ST8SIA5: variants seen among roughly 807,000 people sequenced by gnomAD.
ST8SIA5 encodes alpha-2,8-sialyltransferase 8E.
In ST8SIA5, 24 loss-of-function variants were observed where a neutral mutation model predicts 40.2. The ratio of observed to expected loss-of-function variants is 0.60; its 90% CI spans 0.43 to 0.84. The LOEUF is 0.84. ST8SIA5 is among the 40% of genes least tolerant of loss of function. The probability of loss-of-function intolerance (pLI) is 0.00; values close to 1 mark genes in which losing one functional copy is unlikely to be tolerated. For synonymous variants in ST8SIA5, 198 were observed against 201.8 expected, an observed-to-expected ratio of 0.98 and a Z score of 0.16; for missense variants, 465 against 498.5, an observed-to-expected ratio of 0.93 and a Z score of 0.64.
At position 46,680,389 on chromosome 18, in the gene ST8SIA5, T is replaced by G. The variant is rs201640419; in HGVS notation, c.784A>C (p.Lys262Gln). Reference protein sequence around the residue: ...TRNTDVSIRVKYVLDDFESPQ... With the variant: ...TRNTDVSIRVQYVLDDFESPQ... ...GATTCGAAGTCGTCCAGCACGTACT[T>G]GACGCGGATGGACACGTCGGTGTTG... Residue 262 changes from lysine to glutamine, a missense_variant, in exon 7 of 7, where the codon AAG (lysine) becomes CAG (glutamine). Lys to Gln is a moderately conservative substitution (Grantham distance 53). Transcript: ENST00000315087. The G allele has an allele frequency of 1.3e-4, 216 of 1,613,976 alleles. 1 individual carries two copies. Among genetic ancestry groups the G allele is most frequent in the Middle Eastern group, 1.2e-3 (7 of 6,062 alleles).
At chr18:46,730,027 G>T (rs746761397) in intron 1 of ST8SIA5, among the ~76,000 whole-genome samples, 4 of 152,204 alleles carry the variant, frequency 2.6e-5, no homozygotes, top group Non-Finnish European at 5.9e-5. Context: ...CCTTTGGCAG[G>T]ATTTCAGGCA....
At chr18:46,715,906 T>C (rs1457934179) in intron 1 of ST8SIA5, among the ~76,000 whole-genome samples, 1 of 152,014 alleles carries the variant, frequency 6.6e-6, no homozygotes, top group Non-Finnish European at 1.5e-5. Flanking sequence ...TCTACTTAAA[T>C]CAATATGGCC....
rs2039302240 is a variant in ST8SIA5, at chr18:46,670,407, G to C, written c.*9635C>G. 1.3e-5 allele frequency: 2 copies of C among 152,092 alleles called. No homozygotes were observed. Among genetic ancestry groups the C allele is most frequent in the Admixed American group, 1.3e-4 (2 of 15,260 alleles). The allele number at this position is 152,092 out of a possible 1,614,324, so 9.4% of individuals were successfully genotyped here. On this transcript the variant is annotated 3_prime_UTR_variant, in exon 7 of 7. Coordinates refer to ENST00000315087, the MANE Select transcript of ST8SIA5 (RefSeq NM_013305.6). ...CCCCACTAAACGACCAACGACCTCA[G>C]GCTACTTGATGGTTCCTGAGATATG...
Position 46,677,827 on chromosome 18 carries a change from A to AT in ST8SIA5, c.*2214dup, listed in dbSNP as rs1568245159. ...CCCCCAAACACTGCCCATCTGGAAC[A>AT]TAACTAGTACCCAGAGGGCTTCCAG... On this transcript the variant is annotated 3_prime_UTR_variant, in exon 7 of 7. Coordinates refer to ENST00000315087, the MANE Select transcript of ST8SIA5 (RefSeq NM_013305.6). 1.3e-5 allele frequency: 2 copies of AT among 152,388 alleles called. No individual in the cohort carries two copies. The highest frequency in any genetic ancestry group is 3.9e-4 in the East Asian group (2 of 5,184). The allele number at this position is 152,388 out of a possible 1,614,324, so 9.4% of individuals were successfully genotyped here. A position where few individuals can be genotyped will look rare whatever the true frequency, so the allele number is the denominator to read the frequency against.
Position 46,734,480 on chromosome 18 carries a change from T to C in ST8SIA5, c.131+21898A>G, listed in dbSNP as rs367780607. On this transcript the variant is annotated intron_variant, in intron 1 of 6. Coordinates refer to ENST00000315087, the MANE Select transcript of ST8SIA5 (RefSeq NM_013305.6). The stretch of plus-strand genomic sequence containing the variant: ...TTTTGGGCAGAAATTTCACTCTTCC[T>C]TTTCCAGGCTCCACTCAAAGCCTAA... 2.6e-4 allele frequency among the ~76,000 whole-genome samples: 39 copies of C among 150,256 alleles called. No individual in the cohort carries two copies. The South Asian group carries it at 7.0e-3, about 27-fold the overall frequency.
intron 1 of ST8SIA5, among the ~76,000 whole-genome samples, chr18:46,725,970 AAAATATATATATATAT>A (rs1165471522): frequency 2.2e-4 from 7 of 31,810 alleles, no homozygotes; most frequent in Admixed American, 2.1e-3. Context: ...AAAAAAAAAA[AAAATATATATATATAT>A]ATATATATAT....
chr18:46,746,210 T>C (rs1337501834), intron 1 of ST8SIA5, among the ~76,000 whole-genome samples: 2 of 152,224 alleles, frequency 1.3e-5, no homozygotes, highest in African/African-American at 4.8e-5. Flanking sequence ...TTGGAAGTTC[T>C]GGCCAGGGCA....
At chr18:46,698,238 A>G (rs2039576367) in intron 2 of ST8SIA5, among the ~76,000 whole-genome samples, 1 of 151,930 alleles carries the variant, frequency 6.6e-6, no homozygotes, top group African/African-American at 2.4e-5. Context: ...CACCACACCA[A>G]CAATCAAAAC....
intron 1 of ST8SIA5, among the ~76,000 whole-genome samples, chr18:46,752,722 G>A (rs1017156331): frequency 2.6e-5 from 4 of 152,162 alleles, no homozygotes; most frequent in Non-Finnish European, 5.9e-5. Context: ...CTGGGCTGTC[G>A]CTAAATTCTC....
chr18:46,680,381 C>G lies in ST8SIA5; in HGVS notation c.792G>C (p.Val264=), dbSNP rs895501880. Residue 264 remains valine, a synonymous_variant, in exon 7 of 7, where the codon GTG becomes GTC. Transcript: ENST00000315087. The part of the protein sequence containing the change: ...NTDVSIRVKY[V]LDDFESPQAV... ...CTTGCGGCGATTCGAAGTCGTCCAGCACGTACTTGACGCGGATGGACACGT... is the reference window on the plus strand; with the variant it reads ...CTTGCGGCGATTCGAAGTCGTCCAGGACGTACTTGACGCGGATGGACACGT... 6.2e-7 allele frequency: 1 copy of G among 1,614,058 alleles called. No homozygotes were observed. The highest frequency in any genetic ancestry group is 1.3e-5 in the African/African-American group (1 of 75,060).
chr18:46,678,037 T>A lies in ST8SIA5; in HGVS notation c.*2005A>T, dbSNP rs1599093044. The A allele has an allele frequency of 6.6e-6, 1 of 152,220 alleles. No individual in the cohort carries two copies. The highest frequency in any genetic ancestry group is 2.1e-4 in the South Asian group (1 of 4,832). The allele number at this position is 152,220 out of a possible 1,614,324, so 9.4% of individuals were successfully genotyped here. A position where few individuals can be genotyped will look rare whatever the true frequency, so the allele number is the denominator to read the frequency against. On this transcript the variant is annotated 3_prime_UTR_variant, in exon 7 of 7. Coordinates refer to ENST00000315087, the MANE Select transcript of ST8SIA5 (RefSeq NM_013305.6). ...CCATGCAGTGGCTAGAAATCTCAGG[T>A]AACTGGAATCTTTCCCAGAAATTCC...
chr18:46,738,119 G>A (rs1417998246), intron 1 of ST8SIA5, among the ~76,000 whole-genome samples: 2 of 151,876 alleles, frequency 1.3e-5, no homozygotes, highest in African/African-American at 4.8e-5. Flanking sequence ...GGGGAGGAGG[G>A]GTGTCCCTAG....
At chr18:46,738,316 A>G (rs1174251965) in intron 1 of ST8SIA5, among the ~76,000 whole-genome samples, 1 of 151,732 alleles carries the variant, frequency 6.6e-6, no homozygotes, top group East Asian at 1.9e-4. Flanking sequence ...AGAGGGTATC[A>G]CTGTGCTCCT....
In ST8SIA5 at chr18:46,721,421, C is replaced by T. The variant is rs533073664; in HGVS notation, c.132-16757G>A. On this transcript the variant is annotated intron_variant, in intron 1 of 6. Coordinates refer to ENST00000315087, the MANE Select transcript of ST8SIA5 (RefSeq NM_013305.6). ...GATCATCCGTGACATTAAAGAGCCC[C>T]GTCCAATTGGTCAGCTGGTCACCAC... 3.0e-4 allele frequency: 461 copies of T among 1,536,000 alleles called. 1 individual carries two copies. The highest frequency in any genetic ancestry group is 1.0e-3 in the Middle Eastern group (6 of 6,010).
intron 4 of ST8SIA5, 57 bp from the exon 5 acceptor site, chr18:46,686,343 T>C: frequency 7.0e-7 from 1 of 1,422,766 alleles, no homozygotes; most frequent in East Asian, 2.3e-5. Flanking sequence ...CTCGACCTGC[T>C]ACTCTCACCT....
intron 1 of ST8SIA5, among the ~76,000 whole-genome samples, chr18:46,742,427 AC>A (rs1467427576): frequency 1.4e-5 from 1 of 73,040 alleles, no homozygotes; most frequent in Non-Finnish European, 3.5e-5. Flanking sequence ...GCAATCAACA[AC>A]AAAAAAAAAA....
intron 4 of ST8SIA5, among the ~76,000 whole-genome samples, chr18:46,687,212 T>C (rs546051614): frequency 3.3e-5 from 5 of 152,338 alleles, no homozygotes; most frequent in African/African-American, 9.6e-5. Context: ...TTGTGATACA[T>C]GAAAACTATG....
intron 2 of ST8SIA5, among the ~76,000 whole-genome samples, chr18:46,693,552 AC>A (rs1453905446): frequency 1.3e-5 from 2 of 152,210 alleles, no homozygotes; most frequent in Non-Finnish European, 2.9e-5. Context: ...TTTGACCGAA[AC>A]CTGCAAAAAG....
In ST8SIA5 at chr18:46,674,559, A is replaced by AAC. The variant is rs1317998967; in HGVS notation, c.*5481_*5482dup. 6.6e-6 allele frequency: 1 copy of AAC among 152,260 alleles called. No individual in the cohort carries two copies. The highest frequency in any genetic ancestry group is 2.4e-5 in the African/African-American group (1 of 41,460). 9.4% of individuals were successfully genotyped at this position (152,260 alleles called of 1,614,324 possible). A position where few individuals can be genotyped will look rare whatever the true frequency, so the allele number is the denominator to read the frequency against. On this transcript the variant is annotated 3_prime_UTR_variant, in exon 7 of 7. Coordinates refer to ENST00000315087, the MANE Select transcript of ST8SIA5 (RefSeq NM_013305.6). ...AACCAGAGACCTCATTACTGTAGTAAACATGTGTTGAGTGGCCATGGCATG... is the reference window on the plus strand; with the variant it reads ...AACCAGAGACCTCATTACTGTAGTAAACACATGTGTTGAGTGGCCATGGCATG...
Sources: gnomAD v4.1 joint callset for allele counts (sites outside exome capture counted in the v4.1 genomes callset) on GRCh38, gnomAD v4.1.1 for gene constraint, MANE v1.5 for transcripts, NCBI Gene and HGNC (gene_info 2026-07-23, HGNC 2026-07-21) for gene names.